MBD5: variants seen among roughly 807,000 people sequenced by gnomAD.
MBD5 encodes the protein methyl-CpG-binding domain protein 5.
MBD5 carries 13 observed loss-of-function variants against 117.3 expected under a neutral mutation model. The ratio of observed to expected loss-of-function variants is 0.11; its 90% CI spans 0.07 to 0.18. The LOEUF is 0.18. MBD5 is among the 10% of genes least tolerant of loss of function. The probability of loss-of-function intolerance (pLI) is 1.00; values close to 1 mark genes in which losing one functional copy is unlikely to be tolerated. For synonymous variants in MBD5, 727 were observed against 766.4 expected (o/e 0.95, Z 0.85); for missense variants, 1,879 against 2,093.8 (o/e 0.90, Z 2.00).
intron 1 of MBD5, among the ~76,000 whole-genome samples, chr2:148,042,239 A>T (rs562689869): frequency 7.9e-4 from 121 of 152,294 alleles, no homozygotes; most frequent in Admixed American, 2.9e-3. Context: ...GCACTCTTAC[A>T]CTAAGAGTTC....
At chr2:148,318,706 T>C (rs75272449) in intron 3 of MBD5, among the ~76,000 whole-genome samples, 4,117 of 152,262 alleles carry the variant, frequency 0.027, 91 homozygotes, top group African/African-American at 0.056. Context: ...GAATAGGATG[T>C]ACTTTCTCCA....
chr2:148,491,936 T>G lies in MBD5; in HGVS notation c.4962+1342T>G, dbSNP rs1036814932. Among the ~76,000 whole-genome samples, 33 of 151,992 alleles carry G rather than the reference T, an allele frequency of 2.2e-4. 1 individual carries two copies. Among genetic ancestry groups the G allele is most frequent in the African/African-American group, 7.7e-4 (32 of 41,336 alleles). Reference sequence around the variant, plus strand: ...ATGTCTGTGCAAACGAACTAAGTCTTTTTTATGTGCCATTTTACCAAAAGC... The same window carrying G: ...ATGTCTGTGCAAACGAACTAAGTCTGTTTTATGTGCCATTTTACCAAAAGC... On this transcript the variant is annotated intron_variant, in intron 11 of 13. Transcript: ENST00000642680.
At chr2:148,402,992 T>C (rs1039895420) in intron 4 of MBD5, among the ~76,000 whole-genome samples, 1 of 152,174 alleles carries the variant, frequency 6.6e-6, no homozygotes, top group African/African-American at 2.4e-5. Context: ...GTTTCTATTG[T>C]TATATCTTCA....
At chr2:148,488,723 C>T (rs1420470629) in intron 10 of MBD5, among the ~76,000 whole-genome samples, 1 of 152,008 alleles carries the variant, frequency 6.6e-6, no homozygotes, top group Admixed American at 6.6e-5. Flanking sequence ...CCTTCCTATA[C>T]TGGAATTCTG....
Position 148,286,071 on chromosome 2 carries a change from A to G in MBD5, c.-680+52676A>G, listed in dbSNP as rs551393831. Among the ~76,000 whole-genome samples the G allele has an allele frequency of 6.6e-4, 101 of 152,264 alleles. 4 individuals are homozygous for G. The South Asian group carries it at 0.021, about 31-fold the overall frequency. On this transcript the variant is annotated intron_variant, in intron 3 of 13. Coordinates refer to ENST00000642680, the MANE Select transcript of MBD5 (RefSeq NM_001378120.1). ...TATAGTATTTAGCAATAATATTTCAATTGAAAGAATTTACAGTTATTGTGA... is the reference window on the plus strand; with the variant it reads ...TATAGTATTTAGCAATAATATTTCAGTTGAAAGAATTTACAGTTATTGTGA...
At chr2:148,057,383 A>G (rs1348909560) in intron 1 of MBD5, among the ~76,000 whole-genome samples, 1 of 151,744 alleles carries the variant, frequency 6.6e-6, no homozygotes, top group African/African-American at 2.4e-5. Flanking sequence ...TGCTTTAGCT[A>G]TATTTCACAG....
At chr2:148,235,503 T>A (rs914477732) in intron 3 of MBD5, among the ~76,000 whole-genome samples, 13 of 152,196 alleles carry the variant, frequency 8.5e-5, no homozygotes, top group African/African-American at 3.1e-4. Flanking sequence ...TCCAAAGTGC[T>A]ATTTCATTTA....
chr2:148,037,524 T>C (rs1694227655), intron 1 of MBD5, among the ~76,000 whole-genome samples: 1 of 151,980 alleles, frequency 6.6e-6, no homozygotes, highest in South Asian at 2.1e-4. Flanking sequence ...TATCTTTAAA[T>C]GAGACAGTTA....
At chr2:148,505,975 C>T (rs529927490) in intron 12 of MBD5, among the ~76,000 whole-genome samples, 2 of 152,234 alleles carry the variant, frequency 1.3e-5, no homozygotes, top group East Asian at 3.9e-4. Context: ...TAGAGAGAGC[C>T]TCAGCACAGT....
intron 4 of MBD5, among the ~76,000 whole-genome samples, chr2:148,391,446 A>G (rs1704570169): frequency 6.6e-6 from 1 of 152,194 alleles, no homozygotes. Flanking sequence ...CCTACTAGGG[A>G]TTTTAGCAAA....
chr2:148,048,326 G>A (rs1332579833), intron 1 of MBD5, among the ~76,000 whole-genome samples: 2 of 152,048 alleles, frequency 1.3e-5, no homozygotes. Context: ...ATTTATTTAA[G>A]AAATTGTTTT....
rs760892595 is a variant in MBD5, at chr2:148,468,532, G to A, written c.589G>A (p.Val197Ile). 1.2e-6 allele frequency: 2 copies of A among 1,613,852 alleles called. No individual in the cohort carries two copies. The highest frequency in any genetic ancestry group is 1.1e-5 in the South Asian group (1 of 91,074). Residue 197 changes from valine to isoleucine, a missense_variant, in exon 8 of 14, where the codon GTC becomes ATC. Physicochemically the swap from Val to Ile is conservative, Grantham distance 29 (BLOSUM62 3). Transcript: ENST00000642680. Reference sequence around the variant, plus strand: ...AAGCCAACAACAAGAACTCCACCCTGTCTACCCCCGACAGAGATTGGGCAG... The same window carrying A: ...AAGCCAACAACAAGAACTCCACCCTATCTACCCCCGACAGAGATTGGGCAG... The part of the protein sequence containing the change: ...PGSQQQELHP[V>I]YPRQRLGSSE...
Position 148,502,499 on chromosome 2 carries a change from A to G in MBD5, c.5026A>G (p.Arg1676Gly), listed in dbSNP as rs1335699687. 3 of 1,614,140 alleles carry G rather than the reference A, an allele frequency of 1.9e-6. No individual in the cohort carries two copies. In the South Asian group the frequency reaches 3.3e-5, roughly 18 times the overall value. ...GGAAGCCTACAGCCGTGTCCGGAAAAGGAACAGAAAGTAAGCACTTTTCCA... is the reference window on the plus strand; with the variant it reads ...GGAAGCCTACAGCCGTGTCCGGAAAGGGAACAGAAAGTAAGCACTTTTCCA... Reference protein sequence around the residue: ...GLEAYSRVRKRNRKSGKLNNH... With the variant: ...GLEAYSRVRKGNRKSGKLNNH... Residue 1676 changes from arginine (R) to glycine (G), a missense_variant, in exon 12 of 14, where the codon AGG becomes GGG. Physicochemically the swap from Arg to Gly is moderately radical, Grantham distance 125. This residue lies in a region of MBD5 where 135 missense variants were observed against 148.0 expected (regional missense o/e 0.91). Coordinates refer to ENST00000642680, the MANE Select transcript of MBD5 (RefSeq NM_001378120.1).
At chr2:148,095,926 A>C (rs1696058322) in intron 1 of MBD5, among the ~76,000 whole-genome samples, 1 of 152,156 alleles carries the variant, frequency 6.6e-6, no homozygotes, top group Non-Finnish European at 1.5e-5. Flanking sequence ...AAGAGAATAT[A>C]GAAAAAGTAA....
At chr2:148,305,064 CAA>C (rs59840091) in intron 3 of MBD5, among the ~76,000 whole-genome samples, 6 of 128,050 alleles carry the variant, frequency 4.7e-5, no homozygotes, top group East Asian at 2.2e-4. Context: ...GACTCCGTCT[CAA>C]AAAAAAAAAA....
intron 1 of MBD5, among the ~76,000 whole-genome samples, chr2:148,118,666 T>C (rs1375767422): frequency 6.6e-6 from 1 of 152,116 alleles, no homozygotes; most frequent in Admixed American, 6.6e-5. Context: ...TATCCATTAG[T>C]GATCACTCCC....
At chr2:148,119,203 C>T (rs1696707715) in intron 1 of MBD5, among the ~76,000 whole-genome samples, 2 of 152,044 alleles carry the variant, frequency 1.3e-5, no homozygotes, top group African/African-American at 4.8e-5. Flanking sequence ...TTTATTGTCG[C>T]CATTTTAGTG....
chr2:148,255,377 C>G (rs1558992904), intron 3 of MBD5, among the ~76,000 whole-genome samples: 1 of 152,178 alleles, frequency 6.6e-6, no homozygotes. Context: ...AGGGCTCTTT[C>G]CCTGGCCATT....
chr2:148,090,892 C>T (rs536714785), intron 1 of MBD5, among the ~76,000 whole-genome samples: 10 of 152,130 alleles, frequency 6.6e-5, no homozygotes, highest in South Asian at 2.1e-4. Context: ...GTCAAACTAT[C>T]GCTGTTTGCT....
Sources: gnomAD v4.1 joint callset for allele counts (sites outside exome capture counted in the v4.1 genomes callset) on GRCh38, gnomAD v4.1.1 for gene constraint, gnomAD v4.1.1 regional missense constraint, MANE v1.5 for transcripts, NCBI Gene and HGNC (gene_info 2026-07-23, HGNC 2026-07-21) for gene names.